LAMA5: variants seen among roughly 807,000 people sequenced by gnomAD.
The protein encoded by LAMA5 is laminin subunit alpha-5.
A neutral mutation model predicts 433.4 loss-of-function variants in LAMA5; 260 were observed. The observed-to-expected ratio is 0.60, with a 90% CI of 0.54 to 0.66. The LOEUF is 0.66. LAMA5 is among the 30% of genes least tolerant of loss of function. The pLI is 0.00. For missense variants in LAMA5, 5,378 were observed against 5,258.5 expected (o/e 1.02, Z -0.70); for synonymous variants, 2,620 against 2,226.6 (o/e 1.18, Z -4.97).
Position 62,334,526 on chromosome 20 carries a change from T to C in LAMA5, c.2578A>G (p.Ser860Gly). The C allele has an allele frequency of 6.5e-7, 1 of 1,548,148 alleles. No homozygotes were observed. Among genetic ancestry groups the C allele is most frequent in the Non-Finnish European group, 8.7e-7 (1 of 1,146,538 alleles). Residue 860 changes from serine (S) to glycine (G), a missense_variant, in exon 21 of 80, where the codon AGC becomes GGC. Physicochemically the swap from Ser to Gly is moderately conservative, Grantham distance 56 (BLOSUM62 0). Coordinates refer to ENST00000252999, the MANE Select transcript of LAMA5 (RefSeq NM_005560.6). Reference sequence around the variant, plus strand: ...CAGTGGGGAAGGGGTACCCACTCGCTGCAGGTGGGGCCCTGGGTGTTGGGG... The same window carrying C: ...CAGTGGGGAAGGGGTACCCACTCGCCGCAGGTGGGGCCCTGGGTGTTGGGG... ...CRPNTQGPTC[S>G]EPARDHYLPD...
chr20:62,336,508 A>G (rs1899379073), intron 17 of LAMA5, 63 bp from the exon 18 acceptor site: 2 of 1,415,746 alleles, frequency 1.4e-6, no homozygotes, highest in Non-Finnish European at 2.0e-6. Context: ...CAAACCATAG[A>G]GCCATAGAGC....
Position 62,316,638 on chromosome 20 carries a change from G to C in LAMA5, c.7756+33C>G, listed in dbSNP as rs201210491. ...CCCTGGGAGCTCAGATGCCCAGCAG[G>C]CCTAAGGGCCCCCATCGGAGCCCAG... On this transcript the variant is annotated intron_variant, in intron 57 of 79. Transcript: ENST00000252999. The C allele has an allele frequency of 4.6e-3, 6,786 of 1,484,300 alleles. 42 individuals are homozygous for C. Among genetic ancestry groups the C allele is most frequent in the Middle Eastern group, 0.016 (76 of 4,832 alleles). 91.9% of individuals were successfully genotyped at this position (1,484,300 alleles called of 1,614,324 possible).
chr20:62,319,319 C>T (rs1245402837), intron 51 of LAMA5, among the ~76,000 whole-genome samples: 1 of 152,174 alleles, frequency 6.6e-6, no homozygotes, highest in Non-Finnish European at 1.5e-5. Flanking sequence ...TCTGACATGG[C>T]ACCCCCTGCC....
intron 2 of LAMA5, among the ~76,000 whole-genome samples, chr20:62,361,598 G>T (rs757625024): frequency 6.6e-6 from 1 of 152,236 alleles, no homozygotes; most frequent in Non-Finnish European, 1.5e-5. Flanking sequence ...CAGCGGCGGA[G>T]CCGGCTGGGA....
chr20:62,330,809 T>G lies in LAMA5; in HGVS notation c.3786A>C (p.Gly1262=). Residue 1262 remains glycine (G), a synonymous_variant, in exon 30 of 80, where the codon GGA becomes GGC. Coordinates refer to ENST00000252999, the MANE Select transcript of LAMA5 (RefSeq NM_005560.6). ...CAGCGGTGGGGGGCCGAGGTCGGGG[T>G]CCAGCTGGGGACATGGCTGGAGTGA... The part of the protein sequence containing the change: ...QDLTPAMSPA[G]PRPRPPTAVD... 6.4e-7 allele frequency: 1 copy of G among 1,555,980 alleles called. No individual in the cohort carries two copies. The highest frequency in any genetic ancestry group is 8.7e-7 in the Non-Finnish European group (1 of 1,151,400).
chr20:62,334,730 G>A, intron 20 of LAMA5, 109 bp from the exon 21 acceptor site: 1 of 610,700 alleles, frequency 1.6e-6, no homozygotes, highest in East Asian at 2.8e-5. Context: ...ATGATGGAGA[G>A]TCAGGGCTCA....
intron 61 of LAMA5, 36 bp from the exon 62 acceptor site, chr20:62,314,476 C>A: frequency 6.2e-7 from 1 of 1,611,724 alleles, no homozygotes. Flanking sequence ...GGGATGGGGA[C>A]CGGGGACCAG....
At chr20:62,353,338 G>A in intron 2 of LAMA5, 87 bp from the exon 3 acceptor site, 1 of 972,704 alleles carries the variant, frequency 1.0e-6, no homozygotes, top group Non-Finnish European at 1.6e-6. Context: ...CCCCTCAGGT[G>A]AGGCCACAGC....
At position 62,322,255 on chromosome 20, in the gene LAMA5, C is replaced by T. The variant is rs369203653; in HGVS notation, c.6346+14G>A. On this transcript the variant is annotated intron_variant, in intron 47 of 79. Coordinates refer to ENST00000252999, the MANE Select transcript of LAMA5 (RefSeq NM_005560.6). ...AAGTCCCCATCCGCCCTCCTGTGACCGGCCAGCACTCACGCCTGCAGCCCT... is the reference window on the plus strand; with the variant it reads ...AAGTCCCCATCCGCCCTCCTGTGACTGGCCAGCACTCACGCCTGCAGCCCT... 4.1e-5 allele frequency: 64 copies of T among 1,575,728 alleles called. No homozygotes were observed. The highest frequency in any genetic ancestry group is 2.5e-4 in the Admixed American group (14 of 56,086).
chr20:62,321,429 G>A (rs1987736625), intron 48 of LAMA5, among the ~76,000 whole-genome samples: 1 of 8,730 alleles, frequency 1.1e-4, no homozygotes, highest in African/African-American at 4.0e-4. Flanking sequence ...AGGGTCAGTG[G>A]AGGGGTAGGG....
At position 62,334,257 on chromosome 20, in the gene LAMA5, G is replaced by A. The variant is rs761635261; in HGVS notation, c.2668C>T (p.Arg890Cys). Reference protein sequence around the residue: ...EAATPEGHAVRFGFNPLEFEN... With the variant: ...EAATPEGHAVCFGFNPLEFEN... ...AACTCGAGGGGGTTGAAGCCAAAGC[G>A]CACGGCGTGACCCTCAGGTGTGGCA... The change falls in exon 22 of 80, where the codon CGC becomes TGC. Residue 890 changes from arginine (R) to cysteine (C), a missense_variant. Transcript: ENST00000252999. 95 of 1,612,682 alleles carry A rather than the reference G, an allele frequency of 5.9e-5. No individual in the cohort carries two copies. In the Middle Eastern group the frequency reaches 9.9e-4, roughly 17 times the overall value.
chr20:62,364,287 G>A (rs1057175626), intron 1 of LAMA5, among the ~76,000 whole-genome samples: 3 of 152,176 alleles, frequency 2.0e-5, no homozygotes, highest in African/African-American at 7.2e-5. Flanking sequence ...GTAGGTGTGG[G>A]CGGCGCCCTC....
chr20:62,325,605 C>G (rs1979158304), intron 40 of LAMA5, 59 bp from the exon 41 acceptor site: 1 of 1,177,070 alleles, frequency 8.5e-7, no homozygotes, highest in African/African-American at 1.5e-5. Context: ...AACAGGGAGC[C>G]TAGAACAGAC....
At chr20:62,346,286 G>C (rs1367700566) in intron 9 of LAMA5, 71 bp from the exon 10 acceptor site, 20 of 1,541,728 alleles carry the variant, frequency 1.3e-5, no homozygotes, top group Non-Finnish European at 1.8e-5. Context: ...AGATGTGGCA[G>C]TCTCTACCTC....
At chr20:62,341,880 G>A (rs1043888187) in intron 11 of LAMA5, among the ~76,000 whole-genome samples, 5 of 148,694 alleles carry the variant, frequency 3.4e-5, no homozygotes, top group African/African-American at 1.0e-4. Flanking sequence ...AAAAATAGAC[G>A]AGAATAGAAA....
Position 62,367,240 on chromosome 20 carries a change from C to T in LAMA5, c.6G>A (p.Ala2=). Residue 2 remains alanine (A), a synonymous_variant, in exon 1 of 80, where the codon GCG becomes GCA. Transcript: ENST00000252999. The part of the protein sequence containing the change: M[A]KRLCAGSALC... ...GTGCGCTCCCCGCGCAGAGCCGCTTCGCCATCTTCCCGGCTCCGGGCCGCG... is the reference window on the plus strand; with the variant it reads ...GTGCGCTCCCCGCGCAGAGCCGCTTTGCCATCTTCCCGGCTCCGGGCCGCG... The T allele has an allele frequency of 8.4e-7, 1 of 1,183,658 alleles. No homozygotes were observed. The allele number at this position is 1,183,658 out of a possible 1,614,324, so 73.3% of individuals were successfully genotyped here. A position where few individuals can be genotyped will look rare whatever the true frequency, so the allele number is the denominator to read the frequency against.
intron 11 of LAMA5, among the ~76,000 whole-genome samples, chr20:62,342,482 C>A (rs1490616554): frequency 6.6e-6 from 1 of 151,896 alleles, no homozygotes; most frequent in Non-Finnish European, 1.5e-5. Flanking sequence ...TCGAGACCAT[C>A]CTGCTTTAAC....
rs769804315 is a variant in LAMA5 at position 62,311,004 on chromosome 20, C to T, written c.10179G>A (p.Ala3393=). Reference sequence around the variant, plus strand: ...CGAAGTGGCCATTGCTCAGGAAGAGCGCCAGGGAGGGGCTGCCGGGCCTCA... The same window carrying T: ...CGAAGTGGCCATTGCTCAGGAAGAGTGCCAGGGAGGGGCTGCCGGGCCTCA... ...ARLRPGSPSL[A]LFLSNGHFVA... is the part of the protein sequence containing the mutation. Residue 3393 remains alanine (A), a synonymous_variant, in exon 74 of 80, where the codon GCG becomes GCA. Transcript: ENST00000252999. 20 of 1,610,410 alleles carry T rather than the reference C, an allele frequency of 1.2e-5. No homozygotes were observed. The highest frequency in any genetic ancestry group is 5.0e-5 in the Admixed American group (3 of 59,860).
intron 6 of LAMA5, 134 bp downstream of exon 6, chr20:62,351,570 T>C: frequency 1.3e-6 from 1 of 793,858 alleles, no homozygotes; most frequent in Middle Eastern, 3.4e-4. Context: ...TCAGTGCAGG[T>C]CACACAGACA....
Sources: allele counts gnomAD v4.1 joint callset (sites outside exome capture counted in the v4.1 genomes callset), GRCh38; gene constraint gnomAD v4.1.1; transcripts MANE v1.5; gene names NCBI Gene and HGNC (gene_info 2026-07-23, HGNC 2026-07-21).